TANC2: variants seen among roughly 807,000 people sequenced by gnomAD.
TANC2 encodes the protein tetratricopeptide repeat, ankyrin repeat and coiled-coil containing 2.
TANC2 carries 26 observed loss-of-function variants against 210.5 expected under a neutral mutation model. That is an observed-to-expected ratio of 0.12 (90% CI 0.09 to 0.17). The LOEUF (loss-of-function observed/expected upper bound fraction) is 0.17, where lower values mean the gene tolerates loss of function less well. Among genes scored for constraint, TANC2 ranks in the 10% least tolerant of loss-of-function variants. The pLI, the probability that TANC2 is intolerant of heterozygous loss-of-function variation, is 1.00. For missense variants in TANC2, 2,129 were observed against 2,608.9 expected (o/e 0.82, Z 4.01); for synonymous variants, 931 against 967.1 (o/e 0.96, Z 0.69).
At chr17:63,401,404 AAAAC>A (rs985991557) in intron 19 of TANC2, among the ~76,000 whole-genome samples, 30 of 152,370 alleles carry the variant, frequency 2.0e-4, no homozygotes, top group Middle Eastern at 3.4e-3. Context: ...TGCCACTACA[AAAAC>A]AAACAACTTC....
At chr17:63,215,849 A>G (rs534101532) in intron 7 of TANC2, among the ~76,000 whole-genome samples, 4 of 151,898 alleles carry the variant, frequency 2.6e-5, no homozygotes, top group South Asian at 2.1e-4. Flanking sequence ...TCCTGGGTTC[A>G]CGCCATTCTC....
chr17:63,112,227 G>A (rs984631560), intron 4 of TANC2, among the ~76,000 whole-genome samples: 1 of 152,126 alleles, frequency 6.6e-6, no homozygotes, highest in Non-Finnish European at 1.5e-5. Context: ...GATGGAGAAG[G>A]CAAGTTAGTA....
intron 9 of TANC2, among the ~76,000 whole-genome samples, chr17:63,296,139 C>G (rs1404403829): frequency 6.6e-6 from 1 of 152,120 alleles, no homozygotes; most frequent in Non-Finnish European, 1.5e-5. Context: ...CTCTAAGAAT[C>G]AGTCCTTGCC....
rs763428795 is a variant in TANC2, at chr17:63,188,902, C to A, written c.434-5089C>A. 2.0e-4 allele frequency among the ~76,000 whole-genome samples: 30 copies of A among 151,968 alleles called. 1 individual carries two copies. The highest frequency in any genetic ancestry group is 4.3e-4 in the Non-Finnish European group (29 of 67,952). On this transcript the variant is annotated intron_variant, in intron 5 of 27. Transcript: ENST00000689528. ...TTTAGAGCATTTTTATCACCCCCCCCCAAAAAAAAATGTCCCGTGCCCATT... is the reference window on the plus strand; with the variant it reads ...TTTAGAGCATTTTTATCACCCCCCCACAAAAAAAAATGTCCCGTGCCCATT...
Position 63,421,152 on chromosome 17 carries a change from T to C in TANC2, c.5422T>C (p.Ser1808Pro). 6.2e-7 allele frequency: 1 copy of C among 1,613,906 alleles called. No individual in the cohort carries two copies. Among genetic ancestry groups the C allele is most frequent in the East Asian group, 2.2e-5 (1 of 44,870 alleles). ...ACAGATCGGACGCAGCCAGTCAGCA[T>C]CCTATTACCCAGTCTGTCACTCAAA... The change falls in exon 28 of 28, where the codon TCC (serine) becomes CCC (proline). Residue 1808 changes from serine to proline, a missense_variant. Physicochemically the swap from Ser to Pro is moderately conservative, Grantham distance 74. Coordinates refer to ENST00000689528, the Ensembl canonical transcript of TANC2. This position sits in a 1 kb window ranked among gnomAD's most constrained non-coding sequence, Gnocchi z 6.9.
intron 4 of TANC2, among the ~76,000 whole-genome samples, chr17:63,147,151 G>A (rs2039489290): frequency 6.6e-6 from 1 of 151,646 alleles, no homozygotes. Flanking sequence ...TGGGCAACAT[G>A]GCAAAACTCT....
intron 4 of TANC2, among the ~76,000 whole-genome samples, chr17:63,124,447 T>C (rs2038624325): frequency 6.6e-6 from 1 of 152,182 alleles, no homozygotes; most frequent in Non-Finnish European, 1.5e-5. Flanking sequence ...TGCCTTTTGC[T>C]CTCCTGAACT....
chr17:63,269,329 G>A (rs1387858544), intron 9 of TANC2, among the ~76,000 whole-genome samples: 1 of 152,034 alleles, frequency 6.6e-6, no homozygotes, highest in Non-Finnish European at 1.5e-5. Flanking sequence ...CCAGAAAATG[G>A]AAATATATCA....
intron 7 of TANC2, among the ~76,000 whole-genome samples, chr17:63,213,641 A>G (rs1273996782): frequency 6.6e-6 from 1 of 152,218 alleles, no homozygotes; most frequent in Non-Finnish European, 1.5e-5. Flanking sequence ...TAATTATAAA[A>G]CATGCTGTGG....
chr17:63,213,953 T>C (rs2041957485), intron 7 of TANC2, among the ~76,000 whole-genome samples: 1 of 151,804 alleles, frequency 6.6e-6, no homozygotes, highest in East Asian at 1.9e-4. Context: ...TTTAACAGAG[T>C]ACAAGCCAGG....
intron 7 of TANC2, among the ~76,000 whole-genome samples, chr17:63,232,314 T>A (rs1343273775): frequency 2.6e-5 from 4 of 152,218 alleles, no homozygotes; most frequent in Non-Finnish European, 5.9e-5. Flanking sequence ...GGTGTTGCAA[T>A]CATTTGAAGG....
chr17:63,406,698 A>G (rs1239249843), intron 21 of TANC2, among the ~76,000 whole-genome samples: 1 of 152,202 alleles, frequency 6.6e-6, no homozygotes, highest in African/African-American at 2.4e-5. Flanking sequence ...TATTTGGGGG[A>G]TCAAGATTAT....
rs1161749012 is a variant in TANC2, at chr17:63,421,400, G to C, written c.5670G>C (p.Gln1890His). 3 of 1,613,922 alleles carry C rather than the reference G, an allele frequency of 1.9e-6. No homozygotes were observed. The change falls in exon 28 of 28, where the codon CAG becomes CAC. Residue 1890 changes from glutamine to histidine, a missense_variant. By Grantham distance (24) the Gln-to-His change is conservative. Around this residue, in one of 5 missense-constraint regions of TANC2, gnomAD observed 584 missense variants for 627.3 expected, o/e 0.93. Transcript: ENST00000689528. This position sits in a 1 kb window ranked among gnomAD's most constrained non-coding sequence, Gnocchi z 6.9. ...CCTTCCGGCCATCTTCTTCCATCCA[G>C]CAAATGGAGATCCCACTGAAACCTG...
intron 5 of TANC2, chr17:63,152,125 C>A (rs1273015803): frequency 6.6e-6 from 1 of 152,124 alleles, no homozygotes; most frequent in Non-Finnish European, 1.5e-5. Flanking sequence ...GCTGAGTATA[C>A]AGATTAGAGC....
chr17:63,270,352 C>T (rs2043661951), intron 9 of TANC2, among the ~76,000 whole-genome samples: 1 of 152,044 alleles, frequency 6.6e-6, no homozygotes, highest in South Asian at 2.1e-4. Context: ...CTTGGCAAGC[C>T]TTTATAATAT....
intron 21 of TANC2, among the ~76,000 whole-genome samples, chr17:63,410,682 T>C (rs1271419107): frequency 6.6e-6 from 1 of 151,524 alleles, no homozygotes; most frequent in Non-Finnish European, 1.5e-5. Context: ...GCCAACATGG[T>C]GAACCCCATC....
intron 2 of TANC2, among the ~76,000 whole-genome samples, chr17:63,065,431 G>A (rs2036161147): frequency 6.6e-6 from 1 of 152,188 alleles, no homozygotes; most frequent in African/African-American, 2.4e-5. Flanking sequence ...ATACCCAAAA[G>A]TGGGAATTCT....
intron 6 of TANC2, 77 bp from the exon 7 acceptor site, chr17:63,200,694 A>G: frequency 7.5e-7 from 1 of 1,324,960 alleles, no homozygotes; most frequent in Admixed American, 2.3e-5. Context: ...TTTTTCATCA[A>G]AGCATTTATT....
At chr17:63,114,002 C>T (rs2038155445) in intron 4 of TANC2, among the ~76,000 whole-genome samples, 1 of 152,106 alleles carries the variant, frequency 6.6e-6, no homozygotes, top group African/African-American at 2.4e-5. Context: ...ACATCTATAT[C>T]ATTCAGTAAA....
Sources: gnomAD v4.1 joint callset for allele counts (sites outside exome capture counted in the v4.1 genomes callset) on GRCh38, gnomAD v4.1.1 for gene constraint, gnomAD v4.1.1 regional missense constraint, Gnocchi (gnomAD v3.1) non-coding constraint, MANE v1.5 for transcripts, NCBI Gene and HGNC (gene_info 2026-07-23, HGNC 2026-07-21) for gene names.